The following KLHL7 variants were observed in gnomAD, a reference collection of about 807,000 sequenced individuals.
KLHL7 encodes the protein kelch-like protein 7.
In KLHL7, 44 loss-of-function variants were observed where a neutral mutation model predicts 67.4. The ratio of observed to expected loss-of-function variants is 0.65; its 90% confidence interval spans 0.51 to 0.84. KLHL7 has a LOEUF of 0.84. Among genes scored for constraint, KLHL7 ranks in the 40% least tolerant of loss-of-function variants. The pLI, the probability that KLHL7 is intolerant of heterozygous loss-of-function variation, is 0.00. For synonymous variants in KLHL7, 252 were observed against 243.3 expected, an observed-to-expected ratio of 1.04 and a Z score of -0.33; for missense variants, 362 against 718.1, an observed-to-expected ratio of 0.50 and a Z score of 5.67.
intron 9 of KLHL7, among the ~76,000 whole-genome samples, chr7:23,168,724 T>C (rs1229583595): frequency 6.6e-6 from 1 of 152,200 alleles, no homozygotes; most frequent in Non-Finnish European, 1.5e-5. Flanking sequence ...AAACAGATGA[T>C]ACCCTAGTCG....
chr7:23,118,073 T>C, intron 1 of KLHL7: 1 of 1,353,298 alleles, frequency 7.4e-7, no homozygotes. Flanking sequence ...AAGCTAATCC[T>C]CATACAGTGC....
chr7:23,125,302 T>G, intron 4 of KLHL7, 130 bp downstream of exon 4: 1 of 922,822 alleles, frequency 1.1e-6, no homozygotes, highest in Non-Finnish European at 1.6e-6. Context: ...GAACGTTTTC[T>G]AGTAATAAAA....
At chr7:23,118,009 G>A in intron 1 of KLHL7, 2 of 1,610,282 alleles carry the variant, frequency 1.2e-6, no homozygotes, top group Non-Finnish European at 1.7e-6. Flanking sequence ...ACAAAGAATA[G>A]AACGTGGGGC....
At chr7:23,124,906 T>A in intron 3 of KLHL7, 125 bp downstream of exon 3, 1 of 1,110,570 alleles carries the variant, frequency 9.0e-7, no homozygotes, top group Non-Finnish European at 1.3e-6. Context: ...TGGAAGAGTT[T>A]CAGTATCCTA....
chr7:23,148,335 A>T (rs1024248925), intron 6 of KLHL7, among the ~76,000 whole-genome samples: 2 of 152,048 alleles, frequency 1.3e-5, no homozygotes, highest in East Asian at 3.8e-4. Context: ...GAAAAGGAGA[A>T]GAGATGTGTG....
chr7:23,157,341 T>C (rs1583716682), intron 7 of KLHL7, among the ~76,000 whole-genome samples: 1 of 152,222 alleles, frequency 6.6e-6, no homozygotes, highest in Admixed American at 6.5e-5. Context: ...GACCTCTAGC[T>C]GCAGGCCCCA....
rs1358005066 is a variant in KLHL7, at chr7:23,125,281, A to G, written c.442+109A>G. On this transcript the variant is annotated intron_variant, in intron 4 of 10. Coordinates refer to ENST00000339077, the MANE Select transcript of KLHL7 (RefSeq NM_001031710.3). ...AGTATCCGCATTTAACCTTAAAGAC[A>G]TTGTCCACTAGAACGTTTTCTAGTA... is the stretch of plus-strand genomic sequence containing the variant. 6 of 1,138,528 alleles carry G rather than the reference A, an allele frequency of 5.3e-6. No homozygotes were observed. In the East Asian group the frequency reaches 1.0e-4, roughly 19 times the overall value. 70.5% of individuals were successfully genotyped at this position (1,138,528 alleles called of 1,614,324 possible). A position where few individuals can be genotyped will look rare whatever the true frequency, so the allele number is the denominator to read the frequency against.
intron 6 of KLHL7, among the ~76,000 whole-genome samples, chr7:23,150,019 C>A (rs1784482196): frequency 6.6e-6 from 1 of 152,090 alleles, no homozygotes; most frequent in Non-Finnish European, 1.5e-5. Context: ...TTGGGCCAGG[C>A]ATGCTGTTTC....
chr7:23,131,219 A>G (rs1420393903), intron 4 of KLHL7, among the ~76,000 whole-genome samples: 1 of 152,170 alleles, frequency 6.6e-6, no homozygotes, highest in East Asian at 1.9e-4. Flanking sequence ...TCCATGGCAT[A>G]TTTACTTTTA....
chr7:23,124,582 T>C (rs1783492400), intron 2 of KLHL7, 106 bp from the exon 3 acceptor site: 1 of 746,476 alleles, frequency 1.3e-6, no homozygotes. Context: ...CAGAGAGAAC[T>C]GTCCCGTTAT....
chr7:23,126,684 C>A (rs1187795743), intron 4 of KLHL7, among the ~76,000 whole-genome samples: 1 of 152,068 alleles, frequency 6.6e-6, no homozygotes, highest in Non-Finnish European at 1.5e-5. Context: ...TCCTGCATAC[C>A]CCCTCACTGT....
intron 4 of KLHL7, among the ~76,000 whole-genome samples, chr7:23,133,849 G>A (rs368411527): frequency 6.6e-6 from 1 of 152,182 alleles, no homozygotes; most frequent in South Asian, 2.1e-4. Flanking sequence ...TAGTTTTCTT[G>A]TGGAGTCTTT....
rs1185105440 is a variant in KLHL7, at chr7:23,165,823, C to A, written c.1062C>A (p.Cys354Ter). 1.9e-6 allele frequency: 3 copies of A among 1,614,118 alleles called. No individual in the cohort carries two copies. Among genetic ancestry groups the A allele is most frequent in the Non-Finnish European group, 2.5e-6 (3 of 1,179,992 alleles). Residue 354 changes from cysteine to a stop codon, truncating the protein, a stop_gained, in exon 8 of 11, where the codon TGC (cysteine) becomes TGA (stop). Transcript: ENST00000339077. LOFTEE classifies it high-confidence loss of function. ...SQLFPIKRMDCYNVVKDSWYS... is the reference protein window; with the variant it reads ...SQLFPIKRMD ...TTTTCCCAATAAAGCGAATGGACTG[C>A]TATAATGTAGTGAAGGATAGCTGGT... is the stretch of plus-strand genomic sequence containing the variant.
At chr7:23,142,081 G>A (rs561937482) in intron 5 of KLHL7, among the ~76,000 whole-genome samples, 4 of 151,908 alleles carry the variant, frequency 2.6e-5, no homozygotes, top group Non-Finnish European at 5.9e-5. Flanking sequence ...ACCACACCCT[G>A]CTAATTGAGA....
At chr7:23,129,138 CCTACAGT>C in intron 4 of KLHL7, 1 of 164,412 alleles carries the variant, frequency 6.1e-6, no homozygotes, top group South Asian at 1.6e-4. Flanking sequence ...AGACGAAAGC[CCTACAGT>C]TGGCACAGCC....
chr7:23,137,115 T>A (rs966027307), intron 4 of KLHL7, among the ~76,000 whole-genome samples: 1 of 152,118 alleles, frequency 6.6e-6, no homozygotes, highest in African/African-American at 2.4e-5. Flanking sequence ...GGAAATCGCA[T>A]CTCTACTAAA....
intron 5 of KLHL7, among the ~76,000 whole-genome samples, chr7:23,143,081 A>G (rs908519702): frequency 1.3e-5 from 2 of 152,338 alleles, no homozygotes; most frequent in Non-Finnish European, 1.5e-5. Flanking sequence ...ACCAATTCCC[A>G]TAAAAAATTA....
intron 4 of KLHL7, among the ~76,000 whole-genome samples, chr7:23,134,163 A>T (rs1383867869): frequency 6.6e-6 from 1 of 151,954 alleles, no homozygotes; most frequent in Non-Finnish European, 1.5e-5. Flanking sequence ...TTATGAAAGG[A>T]TGTTGAATTT....
At chr7:23,165,995 G>C (rs1423303303) in intron 8 of KLHL7, 57 bp downstream of exon 8, 4 of 1,583,954 alleles carry the variant, frequency 2.5e-6, no homozygotes, top group Non-Finnish European at 8.7e-7. Flanking sequence ...CAAGTATCTT[G>C]GCTTTCATAT....
Sources: gnomAD v4.1 joint callset for allele counts (sites outside exome capture counted in the v4.1 genomes callset) on GRCh38, gnomAD v4.1.1 for gene constraint, MANE v1.5 for transcripts, NCBI Gene and HGNC (gene_info 2026-07-23, HGNC 2026-07-21) for gene names.